The following LY75 variants were observed in gnomAD, a reference collection of about 807,000 sequenced individuals.
LY75 encodes the protein C-type lectin domain family 13 member B.
A neutral mutation model predicts 231.7 loss-of-function variants in LY75; 185 were observed. The observed-to-expected ratio is 0.80, with a 90% confidence interval of 0.71 to 0.90. LY75 has a LOEUF of 0.90. LY75 is among the 40% of genes least tolerant of loss of function. LY75 has a pLI of 0.00. For missense variants in LY75, 1,947 were observed against 2,050.2 expected, an observed-to-expected ratio of 0.95 and a Z score of 0.97; for synonymous variants, 668 against 689.0, an observed-to-expected ratio of 0.97 and a Z score of 0.48.
intron 21 of LY75, among the ~76,000 whole-genome samples, chr2:159,850,798 ATTATATCT>A (rs1684376455): frequency 4.7e-5 from 6 of 127,418 alleles, no homozygotes; most frequent in South Asian, 2.2e-4. Flanking sequence ...ATATATATAT[ATTATATCT>A]TATATATAAG....
intron 19 of LY75, 102 bp from the exon 20 acceptor site, chr2:159,853,454 C>T: frequency 6.7e-7 from 1 of 1,488,734 alleles, no homozygotes. Flanking sequence ...ATGTTAATAC[C>T]ATTACTCTAT....
chr2:159,853,372 T>C lies in LY75; in HGVS notation c.2664-20A>G. The C allele has an allele frequency of 6.2e-7, 1 of 1,611,568 alleles. No homozygotes were observed. Among genetic ancestry groups the C allele is most frequent in the Admixed American group, 1.7e-5 (1 of 59,682 alleles). ...CGTGAGCTAAAAGAAAATGACAGAT[T>C]TGACAACTCGTAATGTAATTAGGTG... is the stretch of plus-strand genomic sequence containing the variant. On this transcript the variant is annotated intron_variant, in intron 19 of 34. Transcript: ENST00000263636.
At chr2:159,810,482 TA>T in intron 32 of LY75, 43 bp downstream of exon 32, 1 of 1,586,554 alleles carries the variant, frequency 6.3e-7, no homozygotes, top group Non-Finnish European at 8.6e-7. Context: ...GAAACATTTC[TA>T]AAAATTATTG....
chr2:159,875,356 T>G, intron 12 of LY75, 88 bp downstream of exon 12: 1 of 1,532,378 alleles, frequency 6.5e-7, no homozygotes. Flanking sequence ...CATAGTACTA[T>G]GGAGAAGAGC....
At chr2:159,850,184 T>C in intron 22 of LY75, 44 bp from the exon 23 acceptor site, 1 of 1,562,154 alleles carries the variant, frequency 6.4e-7, no homozygotes, top group Non-Finnish European at 8.6e-7. Context: ...TTATTCAAAT[T>C]AAAGATACAT....
intron 14 of LY75, among the ~76,000 whole-genome samples, chr2:159,862,183 T>A (rs1176936312): frequency 2.7e-5 from 4 of 150,832 alleles, no homozygotes; most frequent in Non-Finnish European, 5.9e-5. Context: ...TCCCAGCCAC[T>A]CAGGAGGCTG....
chr2:159,880,239 T>C (rs904428550), intron 8 of LY75, among the ~76,000 whole-genome samples: 5 of 152,234 alleles, frequency 3.3e-5, no homozygotes, highest in Admixed American at 6.5e-5. Context: ...ATATATCTTT[T>C]CTGCTCAAGA....
At chr2:159,843,938 T>C (rs1456410458) in intron 23 of LY75, among the ~76,000 whole-genome samples, 1 of 152,086 alleles carries the variant, frequency 6.6e-6, no homozygotes, top group African/African-American at 2.4e-5. Flanking sequence ...TTATTATGAG[T>C]CAATTATAAA....
chr2:159,869,363 A>C (rs1221454823), intron 13 of LY75, among the ~76,000 whole-genome samples: 1 of 152,094 alleles, frequency 6.6e-6, no homozygotes, highest in Non-Finnish European at 1.5e-5. Flanking sequence ...GACTTCCATG[A>C]TCACCAAAGT....
At chr2:159,865,882 T>C (rs1182617887) in intron 13 of LY75, among the ~76,000 whole-genome samples, 1 of 152,182 alleles carries the variant, frequency 6.6e-6, no homozygotes, top group African/African-American at 2.4e-5. Flanking sequence ...TCCCCTCAAA[T>C]ACATTTATGC....
chr2:159,811,703 T>C (rs969498857), intron 31 of LY75, among the ~76,000 whole-genome samples: 11 of 152,206 alleles, frequency 7.2e-5, no homozygotes, highest in Admixed American at 5.9e-4. Flanking sequence ...TGAGACTCTT[T>C]AGTGGCCCTT....
At chr2:159,876,803 C>T (rs1476283232) in intron 11 of LY75, among the ~76,000 whole-genome samples, 10 of 151,722 alleles carry the variant, frequency 6.6e-5, no homozygotes, top group African/African-American at 1.2e-4. Context: ...GTCAGGAGTT[C>T]GAGACCAGCC....
At chr2:159,901,912 G>A (rs1268243065) in intron 1 of LY75, among the ~76,000 whole-genome samples, 2 of 152,162 alleles carry the variant, frequency 1.3e-5, no homozygotes, top group South Asian at 2.1e-4. Context: ...CTTTCATGAT[G>A]CTTCCCCGTA....
At chr2:159,858,027 T>G (rs551337613) in intron 16 of LY75, among the ~76,000 whole-genome samples, 1 of 152,326 alleles carries the variant, frequency 6.6e-6, no homozygotes, top group Admixed American at 6.5e-5. Context: ...TATTTTTTCA[T>G]TTTGCATCAA....
intron 31 of LY75, among the ~76,000 whole-genome samples, chr2:159,813,418 G>A (rs1283168704): frequency 6.6e-6 from 1 of 151,710 alleles, no homozygotes; most frequent in Non-Finnish European, 1.5e-5. Context: ...CACAAAATTG[G>A]TGGCTTAAAA....
intron 1 of LY75, among the ~76,000 whole-genome samples, chr2:159,901,076 T>C (rs975801497): frequency 6.6e-6 from 1 of 152,124 alleles, no homozygotes; most frequent in Non-Finnish European, 1.5e-5. Flanking sequence ...TGACCTCAGG[T>C]GATCCACCCA....
At chr2:159,886,984 A>G (rs1159313532) in intron 4 of LY75, among the ~76,000 whole-genome samples, 1 of 151,944 alleles carries the variant, frequency 6.6e-6, no homozygotes, top group Non-Finnish European at 1.5e-5. Flanking sequence ...CTGAAATGAC[A>G]AAGTCCTTGC....
intron 31 of LY75, chr2:159,813,815 A>T (rs1397552353): frequency 6.6e-6 from 1 of 152,188 alleles, no homozygotes; most frequent in East Asian, 1.9e-4. Context: ...TAGAGCACAG[A>T]ACTTATGTCT....
chr2:159,830,120 A>C (rs1348628490), intron 28 of LY75, among the ~76,000 whole-genome samples: 3 of 152,236 alleles, frequency 2.0e-5, no homozygotes, highest in African/African-American at 7.2e-5. Flanking sequence ...CTCACTTGGT[A>C]AACCAAGTCT....
Sources: gnomAD v4.1 joint callset for allele counts (sites outside exome capture counted in the v4.1 genomes callset) on GRCh38, gnomAD v4.1.1 for gene constraint, MANE v1.5 for transcripts, NCBI Gene and HGNC (gene_info 2026-07-23, HGNC 2026-07-21) for gene names.